Variants in ADGRG6 observed in about 807,000 individuals in gnomAD.
ADGRG6 encodes the protein G-protein coupled receptor 126.
A neutral mutation model predicts 142.4 loss-of-function variants in ADGRG6; 84 were observed. The ratio of observed to expected loss-of-function variants is 0.59; its 90% CI spans 0.49 to 0.71. ADGRG6 has a LOEUF of 0.71. Among genes scored for constraint, ADGRG6 ranks in the 30% least tolerant of loss-of-function variants. The pLI, the probability that ADGRG6 is intolerant of heterozygous loss-of-function variation, is 0.00. For synonymous variants in ADGRG6, 521 were observed against 520.5 expected (o/e 1.00, Z -0.01); for missense variants, 1,367 against 1,466.6 (o/e 0.93, Z 1.11).
At chr6:142,399,707 A>G (rs1373692490) in intron 10 of ADGRG6, among the ~76,000 whole-genome samples, 1 of 152,248 alleles carries the variant, frequency 6.6e-6, no homozygotes, top group African/African-American at 2.4e-5. Context: ...TAACAGTTTT[A>G]AAGTTCACAG....
At chr6:142,356,031 C>G (rs1583028645) in intron 2 of ADGRG6, among the ~76,000 whole-genome samples, 1 of 152,230 alleles carries the variant, frequency 6.6e-6, no homozygotes, top group African/African-American at 2.4e-5. Context: ...CTGCCAGAGG[C>G]TCTATGAGGT....
At position 142,350,388 on chromosome 6, in the gene ADGRG6, A is replaced by G. The variant is rs118141389; in HGVS notation, c.104-17181A>G. 4.3e-3 allele frequency among the ~76,000 whole-genome samples: 649 copies of G among 152,330 alleles called. 1 individual carries two copies. Among genetic ancestry groups the G allele is most frequent in the Non-Finnish European group, 6.6e-3 (449 of 68,034 alleles). On this transcript the variant is annotated intron_variant, in intron 2 of 24. Transcript: ENST00000367609. ...TTACATTTCAAAAATGAAGTGCACA[A>G]GGTGGATGAATTATAAGGTTTATAC...
intron 18 of ADGRG6, among the ~76,000 whole-genome samples, chr6:142,412,797 GTAAGCT>G (rs976958025): frequency 5.9e-5 from 9 of 152,092 alleles, no homozygotes; most frequent in African/African-American, 2.2e-4. Context: ...ATTCAGGTAT[GTAAGCT>G]TTAGCTTAAT....
intron 2 of ADGRG6, among the ~76,000 whole-genome samples, chr6:142,337,276 A>G (rs571905450): frequency 3.3e-5 from 5 of 152,234 alleles, no homozygotes; most frequent in East Asian, 1.9e-4. Context: ...AGGGTGAACA[A>G]AGAGTTTCCA....
intron 1 of ADGRG6, among the ~76,000 whole-genome samples, chr6:142,308,691 C>T (rs117422306): frequency 1.5e-3 from 234 of 151,850 alleles, no homozygotes; most frequent in Non-Finnish European, 3.1e-3. Context: ...CTCTTCTGCT[C>T]ACCAGTCCAC....
intron 2 of ADGRG6, among the ~76,000 whole-genome samples, chr6:142,358,327 C>G (rs968730763): frequency 4.6e-5 from 7 of 152,120 alleles, no homozygotes; most frequent in African/African-American, 1.7e-4. Context: ...CAGATAAGAT[C>G]AAAATGAGAC....
chr6:142,346,690 C>T (rs1779916656), intron 2 of ADGRG6, among the ~76,000 whole-genome samples: 1 of 152,054 alleles, frequency 6.6e-6, no homozygotes, highest in African/African-American at 2.4e-5. Flanking sequence ...GAATACTATG[C>T]AGTCATAAAA....
chr6:142,402,749 T>C lies in ADGRG6; in HGVS notation c.1874T>C (p.Ile625Thr), dbSNP rs755473615. Residue 625 changes from isoleucine (I) to threonine (T), a missense_variant, in exon 13 of 25, where the codon ATA (isoleucine) becomes ACA (threonine). Coordinates refer to ENST00000367609, the MANE Select transcript of ADGRG6 (RefSeq NM_198569.3). ...RIVNKEENIDITLGSTLMNIF... is the reference protein window; with the variant it reads ...RIVNKEENIDTTLGSTLMNIF... ...GTGAATAAAGAAGAAAACATTGATATAACACTTGGCTCAACTCTAATGAAT... is the reference window on the plus strand; with the variant it reads ...GTGAATAAAGAAGAAAACATTGATACAACACTTGGCTCAACTCTAATGAAT... 9 of 1,599,046 alleles carry C rather than the reference T, an allele frequency of 5.6e-6. No individual in the cohort carries two copies. The Admixed American group carries it at 8.3e-5, about 15-fold the overall frequency.
rs12204628 is a variant in ADGRG6 at position 142,363,800 on chromosome 6, T to G, written c.104-3769T>G. Among the ~76,000 whole-genome samples, 387 of 152,264 alleles carry G rather than the reference T, an allele frequency of 2.5e-3. 2 individuals are homozygous for G. The highest frequency in any genetic ancestry group is 6.8e-3 in the Middle Eastern group (2 of 294). On this transcript the variant is annotated intron_variant, in intron 2 of 24. Transcript: ENST00000367609. ...TATAGGAATCAATTAGCAGTGATAT[T>G]TGACTACTCCAAATTGGAAAATTCA...
chr6:142,317,139 G>A (rs2114564106), intron 2 of ADGRG6, among the ~76,000 whole-genome samples: 1 of 152,172 alleles, frequency 6.6e-6, no homozygotes, highest in East Asian at 1.9e-4. Flanking sequence ...TTCCAGCTTG[G>A]TAAGCATCCT....
At position 142,443,569 on chromosome 6, in the gene ADGRG6, G is replaced by T; in HGVS notation, c.*54G>T. ...AGAAATGTGAAGATTTGCAAGCAGT[G>T]TAAACTGCAACTAGTGATGTAAATG... On this transcript the variant is annotated 3_prime_UTR_variant, in exon 25 of 25. Coordinates refer to ENST00000367609, the MANE Select transcript of ADGRG6 (RefSeq NM_198569.3). 1.7e-6 allele frequency: 2 copies of T among 1,198,780 alleles called. No individual in the cohort carries two copies. The highest frequency in any genetic ancestry group is 2.4e-6 in the Non-Finnish European group (2 of 828,950). 74.3% of individuals were successfully genotyped at this position (1,198,780 alleles called of 1,614,324 possible).
chr6:142,417,147 G>T (rs1233779355), intron 20 of ADGRG6, 126 bp from the exon 21 acceptor site: 2 of 716,810 alleles, frequency 2.8e-6, no homozygotes, highest in Admixed American at 4.0e-5. Context: ...TTGAATCTGG[G>T]ATATGGAATG....
intron 2 of ADGRG6, among the ~76,000 whole-genome samples, chr6:142,358,914 C>T (rs898431331): frequency 6.6e-6 from 1 of 151,002 alleles, no homozygotes; most frequent in Non-Finnish European, 1.5e-5. Flanking sequence ...AGTATCTGTG[C>T]TGGCCTGGTG....
chr6:142,438,138 A>G, intron 23 of ADGRG6, 74 bp from the exon 24 acceptor site: 1 of 855,348 alleles, frequency 1.2e-6, no homozygotes, highest in Non-Finnish European at 1.8e-6. Flanking sequence ...TAAATAATGC[A>G]GTGATGATTT....
Position 142,302,157 on chromosome 6 carries a change from T to G in ADGRG6, c.-173T>G. Reference sequence around the variant, plus strand: ...AACGCTGCCGCGCCCAGGGTTCACCTTGCGCCGTCGGGAAAGCCCATGAAC... The same window carrying G: ...AACGCTGCCGCGCCCAGGGTTCACCGTGCGCCGTCGGGAAAGCCCATGAAC... On this transcript the variant is annotated 5_prime_UTR_variant, in exon 1 of 25. Transcript: ENST00000367609. 1.5e-6 allele frequency: 1 copy of G among 665,034 alleles called. No homozygotes were observed. The highest frequency in any genetic ancestry group is 2.1e-5 in the South Asian group (1 of 47,554). The allele number at this position is 665,034 out of a possible 1,614,324, so 41.2% of individuals were successfully genotyped here.
intron 2 of ADGRG6, among the ~76,000 whole-genome samples, chr6:142,319,540 C>T (rs1778417343): frequency 6.6e-6 from 1 of 152,032 alleles, no homozygotes; most frequent in Non-Finnish European, 1.5e-5. Context: ...TTAGGTTCTT[C>T]TGACTTCTGA....
intron 2 of ADGRG6, among the ~76,000 whole-genome samples, chr6:142,339,573 T>A (rs749077963): frequency 3.8e-4 from 58 of 152,188 alleles, no homozygotes; most frequent in Non-Finnish European, 6.5e-4. Context: ...GTTACTAATA[T>A]TGTCTTATTT....
At position 142,382,001 on chromosome 6, in the gene ADGRG6, C is replaced by A; in HGVS notation, c.1120C>A (p.Leu374Met). Reference protein sequence around the residue: ...PAAELASCADLGTLCQATVNS... With the variant: ...PAAELASCADMGTLCQATVNS... ...AGCAGAACTGGCCAGCTGTGCAGAC[C>A]TGGGGACCCTCTGTCAAGGTAGGGA... The change falls in exon 5 of 25, where the codon CTG (leucine) becomes ATG (methionine). Residue 374 changes from leucine to methionine, a missense_variant. Leu to Met is a conservative substitution (Grantham distance 15, BLOSUM62 2). Around this residue, in one of 3 missense-constraint regions of ADGRG6, gnomAD observed 737 missense variants for 746.5 expected, o/e 0.99. Coordinates refer to ENST00000367609, the MANE Select transcript of ADGRG6 (RefSeq NM_198569.3). The A allele has an allele frequency of 6.2e-7, 1 of 1,603,338 alleles. No individual in the cohort carries two copies. The highest frequency in any genetic ancestry group is 8.5e-7 in the Non-Finnish European group (1 of 1,172,918).
At chr6:142,360,124 G>A (rs1360345889) in intron 2 of ADGRG6, among the ~76,000 whole-genome samples, 1 of 152,182 alleles carries the variant, frequency 6.6e-6, no homozygotes, top group Non-Finnish European at 1.5e-5. Context: ...AGATGGTGTG[G>A]GAGAAAGAAG....
Sources: gnomAD v4.1 joint callset for allele counts (sites outside exome capture counted in the v4.1 genomes callset) on GRCh38, gnomAD v4.1.1 for gene constraint, gnomAD v4.1.1 regional missense constraint, MANE v1.5 for transcripts, NCBI Gene and HGNC (gene_info 2026-07-23, HGNC 2026-07-21) for gene names.